Variants in LRP1 observed in about 807,000 individuals in gnomAD.
LRP1 encodes prolow-density lipoprotein receptor-related protein 1.
LRP1 carries 51 observed loss-of-function variants against 541.5 expected under a neutral mutation model. The observed-to-expected ratio is 0.09, with a 90% CI of 0.08 to 0.12. The LOEUF is 0.12. Ranked by LOEUF, LRP1 falls within the 10% of genes least tolerant of loss-of-function variation. The pLI, the probability that LRP1 is intolerant of heterozygous loss-of-function variation, is 1.00. For synonymous variants in LRP1, 2,219 were observed against 2,470.8 expected, an observed-to-expected ratio of 0.90 and a Z score of 3.02; for missense variants, 3,878 against 6,376.2, an observed-to-expected ratio of 0.61 and a Z score of 13.34.
At chr12:57,193,810 G>T in intron 47 of LRP1, 89 bp from the exon 48 acceptor site, 1 of 1,593,464 alleles carries the variant, frequency 6.3e-7, no homozygotes, top group East Asian at 2.2e-5. Flanking sequence ...GCCAGGGCAG[G>T]TGCTGTGGGC....
Position 57,199,968 on chromosome 12 carries a change from C to G in LRP1, c.9957C>G (p.Thr3319=). ...PGGGHKCACP[T]NFYLGSDGRT... ...GAGGGCACAAATGTGCCTGCCCCAC[C>G]AACTTCTACCTGGGCAGCGATGGGC... is the stretch of plus-strand genomic sequence containing the variant. Residue 3319 remains threonine (T), a synonymous_variant, in exon 62 of 89, where the codon ACC becomes ACG. Coordinates refer to ENST00000243077, the MANE Select transcript of LRP1 (RefSeq NM_002332.3). The G allele has an allele frequency of 6.3e-7, 1 of 1,590,360 alleles. No homozygotes were observed. The highest frequency in any genetic ancestry group is 8.5e-7 in the Non-Finnish European group (1 of 1,172,958).
chr12:57,133,625 C>T lies in LRP1; in HGVS notation c.67+4594C>T, dbSNP rs1191258230. On this transcript the variant is annotated intron_variant, in intron 1 of 88. Coordinates refer to ENST00000243077, the MANE Select transcript of LRP1 (RefSeq NM_002332.3). Reference sequence around the variant, plus strand: ...CTGCAGGCTCTGTCCCCGCGCCGCCCCCCCACCCCACCCCCCGCACCTTGA... The same window carrying T: ...CTGCAGGCTCTGTCCCCGCGCCGCCTCCCCACCCCACCCCCCGCACCTTGA... Among the ~76,000 whole-genome samples the T allele has an allele frequency of 3.7e-5, 5 of 134,146 alleles. No homozygotes were observed. In the South Asian group the frequency reaches 1.2e-3, roughly 32 times the overall value. 88.0% of individuals were successfully genotyped at this position (134,146 alleles called of 152,430 possible).
At chr12:57,143,644 C>T (rs764677723) in intron 3 of LRP1, 35 bp from the exon 4 acceptor site, 10 of 1,593,418 alleles carry the variant, frequency 6.3e-6, no homozygotes, top group Middle Eastern at 1.9e-4. Context: ...CCAGATCTGG[C>T]GGCCTGAATA....
chr12:57,195,185 T>C, intron 51 of LRP1, 84 bp downstream of exon 51: 3 of 1,572,408 alleles, frequency 1.9e-6, no homozygotes, highest in Non-Finnish European at 2.6e-6. Context: ...CAGACACCCC[T>C]GCAGACGACG....
chr12:57,206,741 C>T lies in LRP1; in HGVS notation c.11859C>T (p.Asn3953=), dbSNP rs148980968. 1.9e-4 allele frequency: 298 copies of T among 1,610,602 alleles called. 1 individual carries two copies. The highest frequency in any genetic ancestry group is 1.0e-3 in the South Asian group (94 of 91,074). The change falls in exon 76 of 89, where the codon AAC becomes AAT. Residue 3953 remains asparagine (N), a splice_region_variant and synonymous_variant. Coordinates refer to ENST00000243077, the MANE Select transcript of LRP1 (RefSeq NM_002332.3). This position sits in a 1 kb window ranked among gnomAD's most constrained non-coding sequence, Gnocchi z 4.7. ...RQIDRGVTHL[N]ISGLKMPRGI... is the part of the protein sequence containing the mutation. ...TTGACCGGGGTGTCACCCACCTCAA[C>T]GTGAGTGCCCAACCTGGCGTGGATG...
Position 57,211,830 on chromosome 12 carries a change from TG to T in LRP1, c.13258+20del. ...CAGCCAGGACGTAGGTGGCAGGGGTTGGGGCAGGCAGGGCCACCGGGACCTA... is the reference window on the plus strand; with the variant it reads ...CAGCCAGGACGTAGGTGGCAGGGGTTGGGCAGGCAGGGCCACCGGGACCTA... On this transcript the variant is annotated intron_variant, in intron 86 of 88. Coordinates refer to ENST00000243077, the MANE Select transcript of LRP1 (RefSeq NM_002332.3). The surrounding 1 kb of genome is among the most constrained non-coding windows in gnomAD (Gnocchi z 4.3). 1 of 1,612,842 alleles carries T rather than the reference TG, an allele frequency of 6.2e-7. No homozygotes were observed. The highest frequency in any genetic ancestry group is 8.5e-7 in the Non-Finnish European group (1 of 1,179,980).
chr12:57,165,554 T>C lies in LRP1; in HGVS notation c.2531-251T>C, dbSNP rs1375321783. ...GAGGTATAGAGGCCATGGGCTCTCT[T>C]GGACACCATTTGATTCTCAGGTCAC... On this transcript the variant is annotated intron_variant, in intron 15 of 88. Coordinates refer to ENST00000243077, the MANE Select transcript of LRP1 (RefSeq NM_002332.3). The surrounding 1 kb of genome is among the most constrained non-coding windows in gnomAD (Gnocchi z 4.5). The C allele has an allele frequency of 4.3e-6, 2 of 469,736 alleles. No homozygotes were observed. The highest frequency in any genetic ancestry group is 3.9e-5 in the African/African-American group (2 of 51,288). 29.1% of individuals were successfully genotyped at this position (469,736 alleles called of 1,614,324 possible).
At chr12:57,163,106 G>A in intron 15 of LRP1, 123 bp downstream of exon 15, 1 of 1,365,288 alleles carries the variant, frequency 7.3e-7, no homozygotes, top group Admixed American at 2.7e-5. Context: ...GGCCCTTAGG[G>A]GGCCAACAGG....
In LRP1 at chr12:57,199,383, C is replaced by A; in HGVS notation, c.9848C>A (p.Ala3283Asp). 1 of 1,610,398 alleles carries A rather than the reference C, an allele frequency of 6.2e-7. No individual in the cohort carries two copies. The highest frequency in any genetic ancestry group is 8.5e-7 in the Non-Finnish European group (1 of 1,178,824). ...CCCATGGACCTGCATGTCTTCCATG[C>A]CCTGCGCCAGCCAGACGGTGAGCAG... ...HRPMDLHVFH[A>D]LRQPDVPNHP... The change falls in exon 61 of 89, where the codon GCC becomes GAC. Residue 3283 changes from alanine (A) to aspartate (D), a missense_variant. Coordinates refer to ENST00000243077, the MANE Select transcript of LRP1 (RefSeq NM_002332.3).
Position 57,141,451 on chromosome 12 carries a change from C to T in LRP1, c.268C>T (p.Arg90Cys), listed in dbSNP as rs1239618572. The T allele has an allele frequency of 5.0e-6, 8 of 1,614,172 alleles. No homozygotes were observed. Among genetic ancestry groups the T allele is most frequent in the Admixed American group, 1.7e-5 (1 of 60,024 alleles). Residue 90 changes from arginine (R) to cysteine (C), a missense_variant, in exon 3 of 89, where the codon CGC (arginine) becomes TGC (cysteine). Physicochemically the swap from Arg to Cys is radical, Grantham distance 180. Coordinates refer to ENST00000243077, the MANE Select transcript of LRP1 (RefSeq NM_002332.3). ...TACTGAGCTGTGTGTTCCCATGTCC[C>T]GCCTCTGCAATGGGGTCCAGGACTG... ...LGTELCVPMS[R>C]LCNGVQDCMD...
Position 57,206,330 on chromosome 12 carries a change from G to A in LRP1, c.11591-143G>A. 1.2e-6 allele frequency: 1 copy of A among 843,958 alleles called. No homozygotes were observed. Among genetic ancestry groups the A allele is most frequent in the Non-Finnish European group, 1.9e-6 (1 of 537,472 alleles). 52.3% of individuals were successfully genotyped at this position (843,958 alleles called of 1,614,324 possible). A position where few individuals can be genotyped will look rare whatever the true frequency, so the allele number is the denominator to read the frequency against. ...GGCTGAGGTTGGAGCCTGCAACCCT[G>A]AGCAGGGAGGGTAAGCAGCAGCTTC... On this transcript the variant is annotated intron_variant, in intron 75 of 88. Coordinates refer to ENST00000243077, the MANE Select transcript of LRP1 (RefSeq NM_002332.3). This position sits in a 1 kb window ranked among gnomAD's most constrained non-coding sequence, Gnocchi z 4.7.
In LRP1 at chr12:57,178,493, A is replaced by G; in HGVS notation, c.4496A>G (p.Asn1499Ser). 6.2e-7 allele frequency: 1 copy of G among 1,614,210 alleles called. No individual in the cohort carries two copies. The highest frequency in any genetic ancestry group is 8.5e-7 in the Non-Finnish European group (1 of 1,180,022). ...GEVYWTDWRT[N>S]TLAKANKWTG... ...GTCTACTGGACTGACTGGCGAACAAACACACTGGCTAAGGCCAACAAGTGG... is the reference window on the plus strand; with the variant it reads ...GTCTACTGGACTGACTGGCGAACAAGCACACTGGCTAAGGCCAACAAGTGG... The change falls in exon 27 of 89, where the codon AAC becomes AGC. Residue 1499 changes from asparagine (N) to serine (S), a missense_variant. Physicochemically the swap from Asn to Ser is conservative, Grantham distance 46. Transcript: ENST00000243077. This position sits in a 1 kb window ranked among gnomAD's most constrained non-coding sequence, Gnocchi z 5.8.
At chr12:57,187,204 C>T (rs940138609) in intron 41 of LRP1, 63 bp from the exon 42 acceptor site, 139 of 1,525,992 alleles carry the variant, frequency 9.1e-5, no homozygotes, top group Non-Finnish European at 1.1e-4. Flanking sequence ...CTGTCCCCCA[C>T]GGCTCCTGTG....
In LRP1 at chr12:57,198,667, G is replaced by A. The variant is rs775957964; in HGVS notation, c.9673G>A (p.Val3225Ile). 4.7e-5 allele frequency: 76 copies of A among 1,605,892 alleles called. No homozygotes were observed. Among genetic ancestry groups the A allele is most frequent in the Non-Finnish European group, 6.0e-5 (71 of 1,176,686 alleles). The stretch of plus-strand genomic sequence containing the variant: ...CAGCCTGGATGGCTCCAATCGCCAC[G>A]TTGGTCAGTGTGCCAGTGAGGCTGT... The part of the protein sequence containing the change: ...FASLDGSNRH[V>I]VLSQDIPHIF... The change falls in exon 60 of 89, where the codon GTT (valine) becomes ATT (isoleucine). Residue 3225 changes from valine (V) to isoleucine (I), a missense_variant. This residue lies in a region of LRP1 where 1,100 missense variants were observed against 1,827.4 expected (regional missense o/e 0.60). Transcript: ENST00000243077.
chr12:57,167,894 C>T (rs563837410), intron 19 of LRP1, among the ~76,000 whole-genome samples: 1 of 152,332 alleles, frequency 6.6e-6, no homozygotes, highest in South Asian at 2.1e-4. Context: ...CTTGGTGCAC[C>T]CCTCAGGCTC....
Position 57,177,698 on chromosome 12 carries a change from C to T in LRP1, c.4361+107C>T. ...ATGAGAAGGACCAAGGGATCTAGAA[C>T]TAGGAACGGTGGCAAAGGACTGGGC... On this transcript the variant is annotated intron_variant, in intron 26 of 88. Coordinates refer to ENST00000243077, the MANE Select transcript of LRP1 (RefSeq NM_002332.3). This position sits in a 1 kb window ranked among gnomAD's most constrained non-coding sequence, Gnocchi z 6.8. 1 of 1,332,880 alleles carries T rather than the reference C, an allele frequency of 7.5e-7. No individual in the cohort carries two copies. 82.6% of individuals were successfully genotyped at this position (1,332,880 alleles called of 1,614,324 possible).
At chr12:57,200,061 G>A (rs768119920) in intron 62 of LRP1, 36 bp downstream of exon 62, 10 of 1,524,936 alleles carry the variant, frequency 6.6e-6, no homozygotes, top group African/African-American at 2.9e-5. Context: ...ACCAGTGCCC[G>A]CTCCCCAACC....
chr12:57,171,285 T>C (rs1383146636), intron 20 of LRP1, among the ~76,000 whole-genome samples: 1 of 151,960 alleles, frequency 6.6e-6, no homozygotes, highest in African/African-American at 2.4e-5. Context: ...TTAACTATGG[T>C]ATGAGCTGGA....
rs1592627164 is a variant in LRP1, at chr12:57,169,080, A to G, written c.2996-60A>G. The G allele has an allele frequency of 2.7e-6, 4 of 1,504,610 alleles. No homozygotes were observed. In the South Asian group the frequency reaches 3.7e-5, roughly 14 times the overall value. The allele number at this position is 1,504,610 out of a possible 1,614,324, so 93.2% of individuals were successfully genotyped here. A position where few individuals can be genotyped will look rare whatever the true frequency, so the allele number is the denominator to read the frequency against. ...TGGGCAGGGGGCCCAAGCTGGGATCACAGAGAAGGCTGCTCCACCAACTCC... is the reference window on the plus strand; with the variant it reads ...TGGGCAGGGGGCCCAAGCTGGGATCGCAGAGAAGGCTGCTCCACCAACTCC... On this transcript the variant is annotated intron_variant, in intron 19 of 88. Coordinates refer to ENST00000243077, the MANE Select transcript of LRP1 (RefSeq NM_002332.3).
Sources: allele counts gnomAD v4.1 joint callset (sites outside exome capture counted in the v4.1 genomes callset), GRCh38; gene constraint gnomAD v4.1.1; regional missense constraint gnomAD v4.1.1; non-coding constraint Gnocchi (gnomAD v3.1); transcripts MANE v1.5; gene names NCBI Gene and HGNC (gene_info 2026-07-23, HGNC 2026-07-21).